Variants in CFAP52 observed in about 807,000 individuals in gnomAD.
The protein encoded by CFAP52 is cilia- and flagella-associated protein 52.
Under a neutral mutation model 70.5 loss-of-function variants are expected in CFAP52, and 57 were observed. The ratio of observed to expected loss-of-function variants is 0.81; its 90% CI spans 0.65 to 1.01. The LOEUF (loss-of-function observed/expected upper bound fraction) is 1.01, where lower values mean the gene tolerates loss of function less well. CFAP52 is among the 50% of genes least tolerant of loss of function. The pLI is 0.00. For synonymous variants in CFAP52, 267 were observed against 292.5 expected (o/e 0.91, Z 0.89); for missense variants, 785 against 788.5 (o/e 1.00, Z 0.05).
chr17:9,584,183 T>G, intron 1 of CFAP52: 2 of 1,215,008 alleles, frequency 1.6e-6, no homozygotes, highest in Admixed American at 3.3e-5. Flanking sequence ...TTGCTGAAGG[T>G]CCTGTTCTCC....
intron 1 of CFAP52, among the ~76,000 whole-genome samples, chr17:9,583,841 T>C (rs1050791128): frequency 2.6e-5 from 4 of 152,228 alleles, no homozygotes; most frequent in Non-Finnish European, 5.9e-5. Flanking sequence ...AGATGGTTCT[T>C]GGTATAACCA....
chr17:9,597,863 A>AAGAGAGAG (rs1909089220), intron 4 of CFAP52, among the ~76,000 whole-genome samples: 1 of 137,816 alleles, frequency 7.3e-6, no homozygotes, highest in Admixed American at 7.2e-5. Context: ...GAGAGAGAGA[A>AAGAGAGAG]AGAAAGAAAG....
intron 1 of CFAP52, chr17:9,584,518 T>C (rs1049247702): frequency 1.0e-5 from 4 of 388,898 alleles, no homozygotes; most frequent in Non-Finnish European, 1.5e-5. Context: ...ATGTCTACGA[T>C]CAAACTAATT....
At chr17:9,609,860 C>A (rs1909646964) in intron 7 of CFAP52, among the ~76,000 whole-genome samples, 1 of 152,086 alleles carries the variant, frequency 6.6e-6, no homozygotes, top group South Asian at 2.1e-4. Context: ...TGGAAGCCTT[C>A]CAGGTTATTA....
intron 7 of CFAP52, chr17:9,610,278 C>G (rs959187568): frequency 3.3e-5 from 5 of 152,068 alleles, no homozygotes; most frequent in African/African-American, 4.8e-5. Flanking sequence ...ATTTTTTACC[C>G]CTTTGTTTTT....
chr17:9,641,807 C>G lies in CFAP52; in HGVS notation c.1659C>G (p.Ile553Met). 6.2e-7 allele frequency: 1 copy of G among 1,613,858 alleles called. No homozygotes were observed. Among genetic ancestry groups the G allele is most frequent in the Non-Finnish European group, 8.5e-7 (1 of 1,179,830 alleles). ...CTGGGTCGATAAATGGCATGGATAT[C>G]ACACAGGAAGGGGTGCACTTTGTCA... ...SLSGSINGMD[I>M]TQEGVHFVTG... The change falls in exon 13 of 14, where the codon ATC becomes ATG. Residue 553 changes from isoleucine (I) to methionine (M), a missense_variant. Transcript: ENST00000352665.
chr17:9,608,020 GT>G, intron 6 of CFAP52, 98 bp from the exon 7 acceptor site: 1 of 831,676 alleles, frequency 1.2e-6, no homozygotes, highest in Non-Finnish European at 1.8e-6. Context: ...ATTGCCATAT[GT>G]TTTTGGGGAA....
At chr17:9,642,278 T>C (rs971862430) in intron 13 of CFAP52, among the ~76,000 whole-genome samples, 3 of 152,220 alleles carry the variant, frequency 2.0e-5, no homozygotes, top group Admixed American at 6.5e-5. Context: ...AACATGCCGA[T>C]TGGAACATCA....
rs560084144 is a variant in CFAP52 at position 9,630,426 on chromosome 17, A to ATT, written c.1174+1624_1174+1625dup. On this transcript the variant is annotated intron_variant, in intron 9 of 13. Coordinates refer to ENST00000352665, the MANE Select transcript of CFAP52 (RefSeq NM_145054.5). ...CCACCATGCCCAGCTAATTTTTGTA[A>ATT]TTTTTTTTTTTTTTTTTTTAAGAGA... Among the ~76,000 whole-genome samples, 932 of 127,804 alleles carry ATT rather than the reference A, an allele frequency of 7.3e-3. 5 individuals are homozygous for ATT. Among genetic ancestry groups the ATT allele is most frequent in the South Asian group, 0.013 (50 of 3,816 alleles). 83.8% of individuals were successfully genotyped at this position (127,804 alleles called of 152,430 possible). A position where few individuals can be genotyped will look rare whatever the true frequency, so the allele number is the denominator to read the frequency against.
intron 11 of CFAP52, among the ~76,000 whole-genome samples, chr17:9,637,441 T>A (rs1428967503): frequency 6.6e-6 from 1 of 152,204 alleles, no homozygotes; most frequent in African/African-American, 2.4e-5. Flanking sequence ...GAGAAGAAAC[T>A]GTGCAGAAGG....
chr17:9,629,566 AG>A (rs1910376615), intron 9 of CFAP52, among the ~76,000 whole-genome samples: 6 of 97,936 alleles, frequency 6.1e-5, no homozygotes, highest in African/African-American at 2.5e-4. Context: ...TTTTTTTCTC[AG>A]ATGGAGTTTC....
intron 1 of CFAP52, among the ~76,000 whole-genome samples, chr17:9,581,055 G>A (rs1172928049): frequency 6.6e-6 from 1 of 152,162 alleles, no homozygotes; most frequent in Non-Finnish European, 1.5e-5. Flanking sequence ...GGTGGCTCAC[G>A]CCTGTAATCC....
chr17:9,612,162 G>A, intron 7 of CFAP52, 147 bp from the exon 8 acceptor site: 1 of 1,044,554 alleles, frequency 9.6e-7, no homozygotes, highest in Non-Finnish European at 1.4e-6. Context: ...CAACTTGTGA[G>A]TAACTCCTGC....
intron 4 of CFAP52, among the ~76,000 whole-genome samples, chr17:9,595,132 T>C (rs1375749589): frequency 6.6e-6 from 1 of 152,096 alleles, no homozygotes; most frequent in African/African-American, 2.4e-5. Context: ...CTCAGGTGCC[T>C]GTTTGGAGTT....
Position 9,636,160 on chromosome 17 carries a change from G to A in CFAP52, c.1472+604G>A, listed in dbSNP as rs530515146. Among the ~76,000 whole-genome samples, 217 of 138,832 alleles carry A rather than the reference G, an allele frequency of 1.6e-3. 1 individual carries two copies. Among genetic ancestry groups the A allele is most frequent in the Non-Finnish European group, 2.4e-3 (158 of 65,164 alleles). The allele number at this position is 138,832 out of a possible 152,430, so 91.1% of individuals were successfully genotyped here. A position where few individuals can be genotyped will look rare whatever the true frequency, so the allele number is the denominator to read the frequency against. On this transcript the variant is annotated intron_variant, in intron 11 of 13. Transcript: ENST00000352665. ...CTGCACTCTGGCCTGGGCAACAAGA[G>A]TGAAACTCTGTCTCAAAAAAAAGAA...
chr17:9,623,190 C>G (rs1910113520), intron 8 of CFAP52, among the ~76,000 whole-genome samples: 1 of 152,000 alleles, frequency 6.6e-6, no homozygotes, highest in Non-Finnish European at 1.5e-5. Flanking sequence ...AAGTGTTCCT[C>G]TTTGTCTCTA....
At position 9,584,561 on chromosome 17, in the gene CFAP52, T is replaced by G. The variant is rs577116370; in HGVS notation, c.71-1212T>G. Among the ~76,000 whole-genome samples, 4 of 152,020 alleles carry G rather than the reference T, an allele frequency of 2.6e-5. No individual in the cohort carries two copies. The South Asian group carries it at 6.2e-4, about 24-fold the overall frequency. On this transcript the variant is annotated intron_variant, in intron 1 of 13. Transcript: ENST00000352665. The stretch of plus-strand genomic sequence containing the variant: ...TCACTTCACATAGTTACTTTTTGTG[T>G]GTGATGAAAACACTTAAGATCAACT...
intron 1 of CFAP52, among the ~76,000 whole-genome samples, chr17:9,582,312 G>A (rs960427959): frequency 5.9e-5 from 9 of 152,160 alleles, no homozygotes; most frequent in African/African-American, 2.2e-4. Flanking sequence ...CAACACAGAT[G>A]CCTGGTACTG....
chr17:9,643,638 A>G (rs1184147642), downstream of CFAP52, among the ~76,000 whole-genome samples: 1 of 152,218 alleles, frequency 6.6e-6, no homozygotes, highest in Non-Finnish European at 1.5e-5. Flanking sequence ...AGGCTTCTTA[A>G]AAATTCTCTG....
Sources: allele counts gnomAD v4.1 joint callset (sites outside exome capture counted in the v4.1 genomes callset), GRCh38; gene constraint gnomAD v4.1.1; transcripts MANE v1.5; gene names NCBI Gene and HGNC (gene_info 2026-07-23, HGNC 2026-07-21).